UTRN: variants seen among roughly 807,000 people sequenced by gnomAD.
UTRN encodes the protein dystrophin-related protein 1.
In UTRN, 283 loss-of-function variants were observed where a neutral mutation model predicts 463.9. The observed-to-expected ratio is 0.61, with a 90% CI of 0.55 to 0.67. UTRN has a LOEUF of 0.67. Among genes scored for constraint, UTRN ranks in the 30% least tolerant of loss-of-function variants. The probability of loss-of-function intolerance (pLI) is 0.00; values close to 1 mark genes in which losing one functional copy is unlikely to be tolerated. For missense variants in UTRN, 3,922 were observed against 4,084.3 expected (o/e 0.96, Z 1.08); for synonymous variants, 1,442 against 1,431.5 (o/e 1.01, Z -0.17).
At chr6:144,642,607 C>T (rs144250746) in intron 51 of UTRN, among the ~76,000 whole-genome samples, 132 of 152,294 alleles carry the variant, frequency 8.7e-4, no homozygotes, top group Non-Finnish European at 1.4e-3. Context: ...TCTCAGGGGA[C>T]TCTACAACGT....
At chr6:144,671,765 C>A (rs952114213) in intron 51 of UTRN, among the ~76,000 whole-genome samples, 3 of 152,040 alleles carry the variant, frequency 2.0e-5, no homozygotes, top group African/African-American at 7.2e-5. Context: ...TTTAACTTTT[C>A]CCCATTAAGT....
chr6:144,761,693 A>C (rs1217798095), intron 58 of UTRN, among the ~76,000 whole-genome samples: 1 of 152,066 alleles, frequency 6.6e-6, no homozygotes, highest in Non-Finnish European at 1.5e-5. Flanking sequence ...AGAGAAAAAG[A>C]AAATTTAAAA....
chr6:144,709,036 G>T (rs183557225), intron 53 of UTRN, among the ~76,000 whole-genome samples: 14 of 152,212 alleles, frequency 9.2e-5, no homozygotes, highest in Admixed American at 7.2e-4. Flanking sequence ...ATTCATGAAG[G>T]TCAAACCCTC....
chr6:144,846,666 C>T, intron 73 of UTRN, 139 bp from the exon 74 acceptor site: 1 of 1,141,418 alleles, frequency 8.8e-7, no homozygotes, highest in Non-Finnish European at 1.3e-6. Flanking sequence ...TCTTGTTTTT[C>T]CTATTAGCAT....
At chr6:144,539,214 CA>C in intron 44 of UTRN, 79 bp from the exon 45 acceptor site, 2 of 1,377,418 alleles carry the variant, frequency 1.5e-6, no homozygotes, top group Non-Finnish European at 1.9e-6. Context: ...GTAATAATAC[CA>C]AAAAGGTTTC....
chr6:144,543,407 C>A (rs575385041), intron 46 of UTRN, among the ~76,000 whole-genome samples: 24 of 152,322 alleles, frequency 1.6e-4, no homozygotes, highest in South Asian at 1.2e-3. Flanking sequence ...TTCCTTCTCT[C>A]TTTATCCAGA....
intron 2 of UTRN, among the ~76,000 whole-genome samples, chr6:144,368,485 T>G (rs1277511401): frequency 6.6e-6 from 1 of 152,120 alleles, no homozygotes; most frequent in Non-Finnish European, 1.5e-5. Flanking sequence ...GGAATATACA[T>G]GATAAGCATG....
intron 2 of UTRN, among the ~76,000 whole-genome samples, chr6:144,325,362 C>G (rs1775912385): frequency 6.6e-6 from 1 of 152,162 alleles, no homozygotes; most frequent in African/African-American, 2.4e-5. Context: ...GAGTTTGACT[C>G]TCTCTTGCTT....
intron 51 of UTRN, among the ~76,000 whole-genome samples, chr6:144,675,526 CCTT>C (rs1467214446): frequency 2.0e-5 from 3 of 152,112 alleles, no homozygotes; most frequent in Non-Finnish European, 1.5e-5. Context: ...GTTGTTTTCT[CCTT>C]CTTTGGAGCA....
rs199501822 is a variant in UTRN, at chr6:144,437,556, C to T, written c.1060-9C>T. On this transcript the variant is annotated splice_polypyrimidine_tract_variant and intron_variant, in intron 10 of 74. Transcript: ENST00000367545. ...GTAGCTCACAAATTATAACAATGTC[C>T]CTTTCTAGGCTTTTATGATGGAACT... The T allele has an allele frequency of 1.0e-5, 16 of 1,587,540 alleles. No homozygotes were observed. In the East Asian group the frequency reaches 3.4e-4, roughly 34 times the overall value.
intron 28 of UTRN, among the ~76,000 whole-genome samples, chr6:144,487,111 A>T (rs1792534223): frequency 6.6e-6 from 1 of 151,956 alleles, no homozygotes. Context: ...CTGCCTTTGA[A>T]CTTTGTGTCA....
At chr6:144,829,519 A>G (rs1780475803) in intron 69 of UTRN, among the ~76,000 whole-genome samples, 1 of 151,938 alleles carries the variant, frequency 6.6e-6, no homozygotes, top group South Asian at 2.1e-4. Flanking sequence ...TATTGTGTGT[A>G]CTCTTACTTT....
At chr6:144,309,536 G>A (rs952304848) in intron 2 of UTRN, among the ~76,000 whole-genome samples, 1 of 152,176 alleles carries the variant, frequency 6.6e-6, no homozygotes, top group Non-Finnish European at 1.5e-5. Flanking sequence ...ATCCAATGCA[G>A]CAGATCCTGC....
intron 60 of UTRN, among the ~76,000 whole-genome samples, chr6:144,779,157 G>A (rs973990374): frequency 6.6e-6 from 1 of 152,230 alleles, no homozygotes; most frequent in African/African-American, 2.4e-5. Flanking sequence ...CTGATGCCAT[G>A]TGGGGATCCA....
intron 50 of UTRN, among the ~76,000 whole-genome samples, chr6:144,571,510 T>C (rs1800935336): frequency 6.6e-6 from 1 of 152,212 alleles, no homozygotes. Flanking sequence ...GGGTATGCCA[T>C]CATCTTTCAA....
At chr6:144,718,295 C>G (rs1323203216) in intron 53 of UTRN, among the ~76,000 whole-genome samples, 2 of 152,086 alleles carry the variant, frequency 1.3e-5, no homozygotes, top group African/African-American at 2.4e-5. Context: ...CATAGCAAGA[C>G]TCTGTCCCTA....
chr6:144,392,272 T>C (rs1782005475), intron 2 of UTRN, among the ~76,000 whole-genome samples: 1 of 152,252 alleles, frequency 6.6e-6, no homozygotes, highest in Non-Finnish European at 1.5e-5. Context: ...TATCTTTTTA[T>C]TAGACAATGT....
intron 69 of UTRN, among the ~76,000 whole-genome samples, chr6:144,832,787 T>C (rs182587172): frequency 5.3e-5 from 8 of 152,234 alleles, no homozygotes; most frequent in Admixed American, 3.3e-4. Context: ...ATAGGTATCA[T>C]AGAACTAATT....
chr6:144,838,427 T>C (rs1274186252), intron 71 of UTRN, among the ~76,000 whole-genome samples: 1 of 152,224 alleles, frequency 6.6e-6, no homozygotes, highest in East Asian at 1.9e-4. Flanking sequence ...TCAACTAATA[T>C]AGATTTAATG....
Sources: allele counts gnomAD v4.1 joint callset (sites outside exome capture counted in the v4.1 genomes callset), GRCh38; gene constraint gnomAD v4.1.1; transcripts MANE v1.5; gene names NCBI Gene and HGNC (gene_info 2026-07-23, HGNC 2026-07-21).